The following DIMT1 variants were observed in gnomAD, a reference collection of about 807,000 sequenced individuals.
DIMT1 encodes the protein DIM1 rRNA methyltransferase and ribosome maturation factor, also known as dimethyladenosine transferase.
A neutral mutation model predicts 43.2 loss-of-function variants in DIMT1; 36 were observed. The observed-to-expected ratio is 0.83, with a 90% CI of 0.64 to 1.10. The LOEUF (loss-of-function observed/expected upper bound fraction) is 1.10. Among genes scored for constraint, DIMT1 ranks in the 50% least tolerant of loss-of-function variants. The pLI is 0.00. For missense variants in DIMT1, 341 were observed against 385.3 expected, an observed-to-expected ratio of 0.88 and a Z score of 0.96; for synonymous variants, 126 against 130.3, an observed-to-expected ratio of 0.97 and a Z score of 0.22.
chr5:62,393,312 T>C (rs1742369703), intron 8 of DIMT1, among the ~76,000 whole-genome samples: 1 of 151,956 alleles, frequency 6.6e-6, no homozygotes, highest in Admixed American at 6.6e-5. Context: ...CTCAGGAGGC[T>C]GAGGTGGGAG....
At position 62,396,139 on chromosome 5, in the gene DIMT1, G is replaced by GT. The variant is rs758847833; in HGVS notation, c.447-1533dup. Among the ~76,000 whole-genome samples the GT allele has an allele frequency of 4.9e-4, 57 of 116,700 alleles. 2 individuals are homozygous for GT. Among genetic ancestry groups the GT allele is most frequent in the South Asian group, 5.2e-4 (2 of 3,812 alleles). The allele number at this position is 116,700 out of a possible 152,430, so 76.6% of individuals were successfully genotyped here. ...GGGGAATTTAGCCATGTCACTGCAG[G>GT]TTTTTTTTTTTTACATTATTAACTG... On this transcript the variant is annotated intron_variant, in intron 6 of 11. Coordinates refer to ENST00000199320, the MANE Select transcript of DIMT1 (RefSeq NM_014473.4).
chr5:62,389,329 T>C (rs1742183336), intron 11 of DIMT1, among the ~76,000 whole-genome samples: 1 of 151,430 alleles, frequency 6.6e-6, no homozygotes, highest in Admixed American at 6.6e-5. Flanking sequence ...CTACTAAAAA[T>C]ACAAAAATTA....
chr5:62,390,105 T>G (rs1364380594), intron 11 of DIMT1, among the ~76,000 whole-genome samples: 1 of 152,208 alleles, frequency 6.6e-6, no homozygotes, highest in African/African-American at 2.4e-5. Flanking sequence ...CCAATGACTT[T>G]TAGAACAATC....
At chr5:62,403,619 T>A in intron 1 of DIMT1, 75 bp downstream of exon 1, 1 of 1,511,810 alleles carries the variant, frequency 6.6e-7, no homozygotes, top group Non-Finnish European at 9.0e-7. Context: ...GATCAGGTCT[T>A]GGTCCGCACC....
chr5:62,393,439 T>C (rs1742374015), intron 8 of DIMT1, among the ~76,000 whole-genome samples: 3 of 152,060 alleles, frequency 2.0e-5, no homozygotes, highest in Admixed American at 2.0e-4. Flanking sequence ...GAACATGGCG[T>C]TTATTTAAAT....
rs1260710801 is a variant in DIMT1, at chr5:62,401,430, G to T, written c.240+606C>A. ...GAATCTCTTGAACCCAGGAGGCAGA[G>T]GTTGCTGTGAGCCAGGACTGCATCT... On this transcript the variant is annotated intron_variant, in intron 3 of 11. Transcript: ENST00000199320. Among the ~76,000 whole-genome samples, 3 of 146,504 alleles carry T rather than the reference G, an allele frequency of 2.0e-5. No homozygotes were observed. In the South Asian group the frequency reaches 6.7e-4, roughly 33 times the overall value.
Position 62,391,171 on chromosome 5 carries a change from A to G in DIMT1, c.793-189T>C, listed in dbSNP as rs1409969372. 3 of 537,240 alleles carry G rather than the reference A, an allele frequency of 5.6e-6. No homozygotes were observed. In the African/African-American group the frequency reaches 5.7e-5, roughly 10 times the overall value. 33.3% of individuals were successfully genotyped at this position (537,240 alleles called of 1,614,324 possible). A position where few individuals can be genotyped will look rare whatever the true frequency, so the allele number is the denominator to read the frequency against. On this transcript the variant is annotated intron_variant, in intron 10 of 11. Coordinates refer to ENST00000199320, the MANE Select transcript of DIMT1 (RefSeq NM_014473.4). The stretch of plus-strand genomic sequence containing the variant: ...AAGTGGCTGATCTTTATTAACAAAA[A>G]CTTGGAATACCTTGAATTAGTAATC...
chr5:62,392,063 G>C (rs1042638534), intron 10 of DIMT1, 108 bp downstream of exon 10: 4 of 1,594,416 alleles, frequency 2.5e-6, no homozygotes, highest in Non-Finnish European at 3.4e-6. Context: ...GTCTTTTAAG[G>C]ATCTTATGGA....
At chr5:62,402,984 A>G (rs998952341) in intron 2 of DIMT1, among the ~76,000 whole-genome samples, 2 of 152,230 alleles carry the variant, frequency 1.3e-5, no homozygotes, top group African/African-American at 4.8e-5. Context: ...AGTGATCAAA[A>G]AGGTGATTAG....
intron 3 of DIMT1, among the ~76,000 whole-genome samples, chr5:62,400,403 A>G (rs1325730574): frequency 6.6e-6 from 1 of 152,044 alleles, no homozygotes; most frequent in Non-Finnish European, 1.5e-5. Context: ...GTGTACCAGC[A>G]CACCAGGCTA....
Position 62,398,896 on chromosome 5 carries a change from A to C in DIMT1, c.241-15T>G. ...CAAGCAACAACCTAATTTAAAAAAA[A>C]TAAAAATTATTTAGGTTAATTATGG... is the stretch of plus-strand genomic sequence containing the variant. On this transcript the variant is annotated splice_polypyrimidine_tract_variant and intron_variant, in intron 3 of 11. Coordinates refer to ENST00000199320, the MANE Select transcript of DIMT1 (RefSeq NM_014473.4). 1 of 1,579,040 alleles carries C rather than the reference A, an allele frequency of 6.3e-7. No homozygotes were observed. The highest frequency in any genetic ancestry group is 8.6e-7 in the Non-Finnish European group (1 of 1,159,206).
chr5:62,397,412 G>C (rs994836865), intron 6 of DIMT1, among the ~76,000 whole-genome samples: 6 of 152,198 alleles, frequency 3.9e-5, no homozygotes, highest in Non-Finnish European at 7.4e-5. Flanking sequence ...GTTTAACTTT[G>C]ATTTTGCAGT....
At chr5:62,389,475 G>A in intron 11 of DIMT1, among the ~76,000 whole-genome samples, 1 of 44,858 alleles carries the variant, frequency 2.2e-5, no homozygotes, top group Non-Finnish European at 4.0e-5. Flanking sequence ...GACAGAGCAA[G>A]ACTCTGTCTC....
In DIMT1 at chr5:62,387,606, GA is replaced by G. The variant is rs773051263; in HGVS notation, c.*1403del. On this transcript the variant is annotated 3_prime_UTR_variant, in exon 12 of 12. Transcript: ENST00000199320. ...TACAGATAGTGAAAACTGAAGGCCA[GA>G]AAAGGAACTAAAACTCAGCAGTTCA... 4 of 152,082 alleles carry G rather than the reference GA, an allele frequency of 2.6e-5. No individual in the cohort carries two copies. Among genetic ancestry groups the G allele is most frequent in the Non-Finnish European group, 5.9e-5 (4 of 68,014 alleles). The allele number at this position is 152,082 out of a possible 1,614,324, so 9.4% of individuals were successfully genotyped here. A position where few individuals can be genotyped will look rare whatever the true frequency, so the allele number is the denominator to read the frequency against.
intron 2 of DIMT1, 144 bp from the exon 3 acceptor site, chr5:62,402,266 G>C: frequency 1.3e-6 from 1 of 785,094 alleles, no homozygotes; most frequent in Non-Finnish European, 2.0e-6. Flanking sequence ...GATCTACGTG[G>C]TTAACAAAAT....
In DIMT1 at chr5:62,389,054, T is replaced by C. The variant is rs1742168448; in HGVS notation, c.900-2A>G. 3.8e-6 allele frequency: 6 copies of C among 1,599,946 alleles called. No homozygotes were observed. The highest frequency in any genetic ancestry group is 5.1e-6 in the Non-Finnish European group (6 of 1,174,128). ...TCTGCGTTGAATCCATGTAGCAATC[T>C]GAAAAAAGAAATCAAAATGGAATGG... On this transcript the variant is annotated splice_acceptor_variant, in intron 11 of 11. Transcript: ENST00000199320. LOFTEE classifies it high-confidence loss of function.
chr5:62,394,135 G>A, intron 7 of DIMT1, 88 bp from the exon 8 acceptor site: 1 of 1,152,792 alleles, frequency 8.7e-7, no homozygotes. Context: ...AGGCACAACT[G>A]GATGCTCAAG....
Position 62,388,913 on chromosome 5 carries a change from T to C in DIMT1, c.*97A>G. Reference sequence around the variant, plus strand: ...ATTGAACCAAAAATAGTCAAGTAAATAATGTCTCAGTAAAGCAAAAGCATT... The same window carrying C: ...ATTGAACCAAAAATAGTCAAGTAAACAATGTCTCAGTAAAGCAAAAGCATT... On this transcript the variant is annotated 3_prime_UTR_variant, in exon 12 of 12. Coordinates refer to ENST00000199320, the MANE Select transcript of DIMT1 (RefSeq NM_014473.4). 8.8e-7 allele frequency: 1 copy of C among 1,142,810 alleles called. No homozygotes were observed. The highest frequency in any genetic ancestry group is 1.3e-6 in the Non-Finnish European group (1 of 784,200). 70.8% of individuals were successfully genotyped at this position (1,142,810 alleles called of 1,614,324 possible). A position where few individuals can be genotyped will look rare whatever the true frequency, so the allele number is the denominator to read the frequency against.
At chr5:62,396,920 T>C (rs185055) in intron 6 of DIMT1, among the ~76,000 whole-genome samples, 27,936 of 152,124 alleles carry the variant, frequency 0.18, 2,739 homozygotes, top group East Asian at 0.29. Flanking sequence ...TTACAATTCT[T>C]TGTAATTCTT....
Sources: gnomAD v4.1 joint callset for allele counts (sites outside exome capture counted in the v4.1 genomes callset) on GRCh38, gnomAD v4.1.1 for gene constraint, MANE v1.5 for transcripts, NCBI Gene and HGNC (gene_info 2026-07-23, HGNC 2026-07-21) for gene names.